LRRTM4: variants seen among roughly 807,000 people sequenced by gnomAD.
LRRTM4 encodes leucine-rich repeat transmembrane neuronal protein 4.
In LRRTM4, 25 loss-of-function variants were observed where a neutral mutation model predicts 47.6. The ratio of observed to expected loss-of-function variants is 0.53; its 90% confidence interval spans 0.38 to 0.73. LRRTM4 has a LOEUF of 0.73. Among genes scored for constraint, LRRTM4 ranks in the 30% least tolerant of loss-of-function variants. LRRTM4 has a pLI of 0.00. For synonymous variants in LRRTM4, 311 were observed against 269.5 expected, an observed-to-expected ratio of 1.15 and a Z score of -1.51; for missense variants, 638 against 713.4, an observed-to-expected ratio of 0.89 and a Z score of 1.20.
At chr2:76,816,930 G>T (rs758885894) in intron 3 of LRRTM4, among the ~76,000 whole-genome samples, 71 of 147,396 alleles carry the variant, frequency 4.8e-4, no homozygotes, top group Non-Finnish European at 8.9e-4. Context: ...TCATGTTTGC[G>T]GGAAGTGTAC....
At chr2:77,171,554 G>A (rs1306743445) in intron 3 of LRRTM4, among the ~76,000 whole-genome samples, 2 of 152,044 alleles carry the variant, frequency 1.3e-5, no homozygotes, top group African/African-American at 4.8e-5. Flanking sequence ...TGGGATTACA[G>A]GTGTGAGTCA....
intron 3 of LRRTM4, among the ~76,000 whole-genome samples, chr2:77,379,915 T>G (rs1573335850): frequency 1.3e-5 from 2 of 152,142 alleles, no homozygotes; most frequent in East Asian, 1.9e-4. Flanking sequence ...TTTAAAAGTT[T>G]TATTTATTGT....
chr2:77,166,152 T>C (rs956634552), intron 3 of LRRTM4, among the ~76,000 whole-genome samples: 1 of 152,188 alleles, frequency 6.6e-6, no homozygotes, highest in Non-Finnish European at 1.5e-5. Flanking sequence ...CAAGCATTCC[T>C]ATACACCAAT....
In LRRTM4 at chr2:77,346,587, C is replaced by T. The variant is rs1671570274; in HGVS notation, c.1551+171731G>A. The stretch of plus-strand genomic sequence containing the variant: ...GGAATTTTACATTGGTACAATATTC[C>T]TTAAAGTTTTTCAAAAATTTGTAGA... On this transcript the variant is annotated intron_variant, in intron 3 of 3. Coordinates refer to ENST00000409884, the MANE Select transcript of LRRTM4 (RefSeq NM_001134745.3). 2.6e-5 allele frequency among the ~76,000 whole-genome samples: 4 copies of T among 151,868 alleles called. No homozygotes were observed. In the South Asian group the frequency reaches 8.3e-4, roughly 32 times the overall value.
chr2:77,452,033 T>C (rs1676272967), intron 3 of LRRTM4, among the ~76,000 whole-genome samples: 1 of 151,934 alleles, frequency 6.6e-6, no homozygotes, highest in African/African-American at 2.4e-5. Context: ...TAGGTTGGGG[T>C]TGGAGGAGGA....
At chr2:76,971,402 T>C (rs915435516) in intron 3 of LRRTM4, among the ~76,000 whole-genome samples, 20 of 152,004 alleles carry the variant, frequency 1.3e-4, no homozygotes, top group Non-Finnish European at 2.2e-4. Context: ...GAGAGGCAAG[T>C]AGATGATTAA....
At chr2:77,462,916 G>T (rs932289588) in intron 3 of LRRTM4, among the ~76,000 whole-genome samples, 1 of 151,438 alleles carries the variant, frequency 6.6e-6, no homozygotes, top group Non-Finnish European at 1.5e-5. Context: ...TAGCGGGGGT[G>T]GGGGGCAAAT....
intron 3 of LRRTM4, among the ~76,000 whole-genome samples, chr2:76,907,639 A>G (rs1398703059): frequency 8.2e-6 from 1 of 122,496 alleles, no homozygotes; most frequent in Non-Finnish European, 1.6e-5. Flanking sequence ...AAATAGACGC[A>G]ATAAAAAATG....
chr2:76,793,397 A>G (rs760100575), intron 3 of LRRTM4, among the ~76,000 whole-genome samples: 5 of 152,210 alleles, frequency 3.3e-5, no homozygotes, highest in Non-Finnish European at 5.9e-5. Flanking sequence ...CTCTTTGGCC[A>G]ATTACTGAAA....
intron 3 of LRRTM4, among the ~76,000 whole-genome samples, chr2:76,834,836 T>C (rs1360987008): frequency 2.0e-5 from 3 of 152,268 alleles, no homozygotes; most frequent in East Asian, 1.9e-4. Context: ...TGTTATGCAA[T>C]AGTACTTGAA....
intron 3 of LRRTM4, among the ~76,000 whole-genome samples, chr2:77,287,610 G>A (rs1463401535): frequency 2.0e-5 from 3 of 151,872 alleles, no homozygotes; most frequent in Non-Finnish European, 4.4e-5. Context: ...ATGAAATCTT[G>A]TGCCATTTCC....
chr2:77,291,726 A>C (rs549994725), intron 3 of LRRTM4, among the ~76,000 whole-genome samples: 7 of 152,156 alleles, frequency 4.6e-5, no homozygotes, highest in African/African-American at 1.7e-4. Flanking sequence ...TCTTAGATAA[A>C]CCTATTATTA....
intron 3 of LRRTM4, among the ~76,000 whole-genome samples, chr2:77,100,950 C>G (rs1273553185): frequency 6.6e-6 from 1 of 151,164 alleles, no homozygotes; most frequent in Non-Finnish European, 1.5e-5. Context: ...ATTATTCTGC[C>G]TCAGCCTCCC....
At chr2:77,099,141 T>C (rs1670884750) in intron 3 of LRRTM4, among the ~76,000 whole-genome samples, 1 of 151,952 alleles carries the variant, frequency 6.6e-6, no homozygotes, top group Non-Finnish European at 1.5e-5. Flanking sequence ...AGGAGATTGA[T>C]ACAAGAATGT....
intron 3 of LRRTM4, among the ~76,000 whole-genome samples, chr2:76,764,816 A>G (rs1429687453): frequency 6.6e-6 from 1 of 152,136 alleles, no homozygotes; most frequent in Non-Finnish European, 1.5e-5. Context: ...GGGAAGAAAA[A>G]GGAAGGATGA....
intron 3 of LRRTM4, among the ~76,000 whole-genome samples, chr2:77,072,332 T>C (rs1558563058): frequency 6.6e-6 from 1 of 152,190 alleles, no homozygotes; most frequent in Non-Finnish European, 1.5e-5. Context: ...CATGTCAGCA[T>C]ACTTATAAAC....
intron 3 of LRRTM4, among the ~76,000 whole-genome samples, chr2:76,775,653 G>C (rs1673938506): frequency 6.6e-6 from 1 of 152,144 alleles, no homozygotes. Context: ...TTATAGATAA[G>C]TGCAGTCCTG....
intron 3 of LRRTM4, among the ~76,000 whole-genome samples, chr2:77,486,769 A>C (rs1677926160): frequency 6.6e-6 from 1 of 152,232 alleles, no homozygotes; most frequent in Admixed American, 6.5e-5. Flanking sequence ...CACTGTTAGG[A>C]AATAATGAGA....
chr2:76,963,098 A>G (rs1247564093), intron 3 of LRRTM4, among the ~76,000 whole-genome samples: 2 of 150,994 alleles, frequency 1.3e-5, no homozygotes, highest in Non-Finnish European at 3.0e-5. Flanking sequence ...ATTCAATGTA[A>G]TTATTTAATT....
Sources: gnomAD v4.1 joint callset for allele counts (sites outside exome capture counted in the v4.1 genomes callset) on GRCh38, gnomAD v4.1.1 for gene constraint, MANE v1.5 for transcripts, NCBI Gene and HGNC (gene_info 2026-07-23, HGNC 2026-07-21) for gene names.